Variants in CNTN6 observed in about 807,000 individuals in gnomAD.
The protein encoded by CNTN6 is contactin-6.
In CNTN6, 137 loss-of-function variants were observed where a neutral mutation model predicts 122.8. The observed-to-expected ratio is 1.12, with a 90% CI of 0.97 to 1.29. CNTN6 has a LOEUF of 1.29. Among genes scored for constraint, CNTN6 ranks in the 50% most tolerant of loss-of-function variants. The pLI is 0.00. For synonymous variants in CNTN6, 570 were observed against 426.0 expected (o/e 1.34, Z -4.16); for missense variants, 1,634 against 1,223.4 (o/e 1.34, Z -5.01).
At chr3:1,165,175 C>T (rs1256737200) in intron 2 of CNTN6, among the ~76,000 whole-genome samples, 1 of 152,134 alleles carries the variant, frequency 6.6e-6, no homozygotes, top group East Asian at 1.9e-4. Flanking sequence ...CAGAAACCAA[C>T]CAAGTGTTCA....
intron 1 of CNTN6, among the ~76,000 whole-genome samples, chr3:1,106,977 T>G (rs1022487506): frequency 5.3e-5 from 8 of 152,142 alleles, no homozygotes; most frequent in Admixed American, 2.0e-4. Flanking sequence ...TCTATCTATC[T>G]ATCTCTCTAA....
chr3:1,348,713 C>A (rs1705153361), intron 11 of CNTN6, among the ~76,000 whole-genome samples: 1 of 151,896 alleles, frequency 6.6e-6, no homozygotes, highest in Non-Finnish European at 1.5e-5. Context: ...GTTTTCTGGT[C>A]TGAAGAAAGA....
intron 1 of CNTN6, among the ~76,000 whole-genome samples, chr3:1,096,183 G>A (rs555377286): frequency 2.6e-5 from 4 of 152,072 alleles, no homozygotes. Flanking sequence ...ACATTTTTAG[G>A]TCTGTCTGCA....
chr3:1,159,069 AAC>A (rs1342666400), intron 2 of CNTN6, among the ~76,000 whole-genome samples: 1 of 150,880 alleles, frequency 6.6e-6, no homozygotes, highest in Non-Finnish European at 1.5e-5. Context: ...AAATTTATGA[AAC>A]AGTTAACCTT....
At chr3:1,106,925 G>T (rs1007951235) in intron 1 of CNTN6, among the ~76,000 whole-genome samples, 4 of 152,054 alleles carry the variant, frequency 2.6e-5, no homozygotes, top group African/African-American at 9.7e-5. Flanking sequence ...TCAAATATTA[G>T]TTGGGGCTCT....
chr3:1,280,468 T>C (rs937207869), intron 5 of CNTN6, among the ~76,000 whole-genome samples: 1 of 123,768 alleles, frequency 8.1e-6, no homozygotes, highest in Non-Finnish European at 1.7e-5. Context: ...AATTTTTTTT[T>C]TTTTTTTTTT....
intron 8 of CNTN6, among the ~76,000 whole-genome samples, chr3:1,323,668 G>A (rs1559822924): frequency 6.6e-6 from 1 of 151,650 alleles, no homozygotes; most frequent in East Asian, 2.0e-4. Context: ...ATCTCTAAAA[G>A]AAATCTCTAA....
At position 1,387,417 on chromosome 3, in the gene CNTN6, G is replaced by T. The variant is rs187765991; in HGVS notation, c.2704+1620G>T. Among the ~76,000 whole-genome samples the T allele has an allele frequency of 9.0e-4, 137 of 152,260 alleles. 1 individual carries two copies. Among genetic ancestry groups the T allele is most frequent in the Non-Finnish European group, 7.1e-4 (48 of 68,022 alleles). The stretch of plus-strand genomic sequence containing the variant: ...ACTTGGATGTATGATTTGCTTCTTT[G>T]GTCTTCCTGGAGTGGTTTAGCTTCT... On this transcript the variant is annotated intron_variant, in intron 20 of 22. Transcript: ENST00000446702.
At chr3:1,150,473 TAGTGC>T (rs1243491272) in intron 2 of CNTN6, among the ~76,000 whole-genome samples, 41 of 152,180 alleles carry the variant, frequency 2.7e-4, no homozygotes, top group African/African-American at 9.9e-4. Flanking sequence ...CTACAACTTC[TAGTGC>T]TTTTACTATA....
chr3:1,269,567 G>A (rs2094987705), intron 4 of CNTN6, among the ~76,000 whole-genome samples: 1 of 152,078 alleles, frequency 6.6e-6, no homozygotes, highest in Non-Finnish European at 1.5e-5. Flanking sequence ...ATTTATTTTT[G>A]TCATAAGTGT....
chr3:1,369,797 G>A (rs1436304762), intron 12 of CNTN6, among the ~76,000 whole-genome samples: 1 of 150,334 alleles, frequency 6.7e-6, no homozygotes, highest in East Asian at 2.0e-4. Flanking sequence ...AACTACAAAA[G>A]GAAAATATTT....
At chr3:1,266,250 T>A (rs915836519) in intron 4 of CNTN6, among the ~76,000 whole-genome samples, 42 of 152,180 alleles carry the variant, frequency 2.8e-4, no homozygotes, top group Admixed American at 7.2e-4. Context: ...TCACTGAACC[T>A]AATTCTCCTT....
intron 4 of CNTN6, among the ~76,000 whole-genome samples, chr3:1,277,874 C>T (rs558329360): frequency 1.3e-4 from 20 of 152,276 alleles, no homozygotes; most frequent in African/African-American, 4.6e-4. Context: ...GAAATCACCA[C>T]ATTCCAAATA....
chr3:1,284,999 C>G (rs1332611163), intron 5 of CNTN6, among the ~76,000 whole-genome samples: 1 of 152,136 alleles, frequency 6.6e-6, no homozygotes, highest in Non-Finnish European at 1.5e-5. Context: ...TGAAAATTCA[C>G]TGGTTTATAT....
chr3:1,373,950 T>G lies in CNTN6; in HGVS notation c.1972T>G (p.Tyr658Asp). ...TVPEILNGKT[Y>D]NATVVGLSPW... ...TCCAGAAATTCTCAATGGTAAGACA[T>G]ACAATGCAACAGTGGTTGGTTTGAG... Residue 658 changes from tyrosine to aspartate, a missense_variant, in exon 16 of 23, where the codon TAC becomes GAC. Tyr to Asp is a radical substitution (Grantham distance 160). Coordinates refer to ENST00000446702, the MANE Select transcript of CNTN6 (RefSeq NM_001289080.2). The G allele has an allele frequency of 6.2e-7, 1 of 1,612,704 alleles. No homozygotes were observed. Among genetic ancestry groups the G allele is most frequent in the Non-Finnish European group, 8.5e-7 (1 of 1,179,096 alleles).
At chr3:1,399,022 C>A (rs961713068) in intron 20 of CNTN6, among the ~76,000 whole-genome samples, 2 of 152,062 alleles carry the variant, frequency 1.3e-5, no homozygotes, top group African/African-American at 2.4e-5. Context: ...ATTCTGTCTC[C>A]TAGCCAGTTG....
intron 17 of CNTN6, among the ~76,000 whole-genome samples, chr3:1,379,634 C>G (rs1321374560): frequency 6.6e-6 from 1 of 151,996 alleles, no homozygotes; most frequent in Non-Finnish European, 1.5e-5. Context: ...ATACTAACCC[C>G]TATTTTTAAA....
chr3:1,099,406 G>A (rs970002110), intron 1 of CNTN6, among the ~76,000 whole-genome samples: 5 of 152,140 alleles, frequency 3.3e-5, no homozygotes, highest in Admixed American at 6.5e-5. Flanking sequence ...AGCCGAGATT[G>A]AGCCATTACA....
intron 2 of CNTN6, among the ~76,000 whole-genome samples, chr3:1,188,482 A>G (rs1252363817): frequency 6.6e-6 from 1 of 152,212 alleles, no homozygotes; most frequent in Non-Finnish European, 1.5e-5. Context: ...TTTAGAAAAA[A>G]AATTAGTGAT....
Sources: allele counts gnomAD v4.1 joint callset (sites outside exome capture counted in the v4.1 genomes callset), GRCh38; gene constraint gnomAD v4.1.1; transcripts MANE v1.5; gene names NCBI Gene and HGNC (gene_info 2026-07-23, HGNC 2026-07-21).